RTN4R: variants seen among roughly 807,000 people sequenced by gnomAD.
The protein encoded by RTN4R is reticulon 4 receptor.
Under a neutral mutation model 27.7 loss-of-function variants are expected in RTN4R, and 4 were observed. The observed-to-expected ratio is 0.14, with a 90% CI of 0.07 to 0.33. The LOEUF is 0.33. Among genes scored for constraint, RTN4R ranks in the 10% least tolerant of loss-of-function variants. The pLI, the probability that RTN4R is intolerant of heterozygous loss-of-function variation, is 1.00. For synonymous variants in RTN4R, 290 were observed against 305.6 expected, an observed-to-expected ratio of 0.95 and a Z score of 0.53; for missense variants, 554 against 671.5, an observed-to-expected ratio of 0.83 and a Z score of 1.93.
intron 1 of RTN4R, among the ~76,000 whole-genome samples, chr22:20,246,235 C>G (rs368425051): frequency 6.6e-6 from 1 of 152,170 alleles, no homozygotes; most frequent in Admixed American, 6.5e-5. Context: ...GGACAGTGAC[C>G]GGATACTGAC....
intron 1 of RTN4R, among the ~76,000 whole-genome samples, chr22:20,245,374 C>T (rs2051134578): frequency 6.6e-6 from 1 of 152,244 alleles, no homozygotes; most frequent in South Asian, 2.1e-4. Flanking sequence ...GTCTCCATGG[C>T]AACCCCTCTG....
intron 1 of RTN4R, among the ~76,000 whole-genome samples, chr22:20,252,462 C>A (rs1356937812): frequency 6.6e-6 from 1 of 152,200 alleles, no homozygotes; most frequent in Non-Finnish European, 1.5e-5. Context: ...GTGCTGCATC[C>A]TCCCATTGTA....
rs575381297 is a variant in RTN4R, at chr22:20,248,389, C to T, written c.23-5279G>A. On this transcript the variant is annotated intron_variant, in intron 1 of 1. Transcript: ENST00000043402. ...TAACCTGAGCTCCACAGTCCTGTTT[C>T]CAGCCAGCAGGGCACCTGAGAGGGT... 2.6e-5 allele frequency among the ~76,000 whole-genome samples: 4 copies of T among 152,304 alleles called. No homozygotes were observed. The East Asian group carries it at 5.8e-4, about 22-fold the overall frequency.
At chr22:20,267,877 CG>C (rs1411941030) in intron 1 of RTN4R, among the ~76,000 whole-genome samples, 193 bp downstream of exon 1, 1 of 152,040 alleles carries the variant, frequency 6.6e-6, no homozygotes, top group Non-Finnish European at 1.5e-5. Flanking sequence ...CTGCCGCCTC[CG>C]GCTCCGCCCT....
intron 1 of RTN4R, among the ~76,000 whole-genome samples, chr22:20,265,425 G>A (rs2051271656): frequency 6.6e-6 from 1 of 152,210 alleles, no homozygotes; most frequent in Non-Finnish European, 1.5e-5. Context: ...CCCTCCACAA[G>A]CCCTCTGGCT....
rs185243090 is a variant in RTN4R, at chr22:20,265,098, C to T, written c.22+2973G>A. On this transcript the variant is annotated intron_variant, in intron 1 of 1. Coordinates refer to ENST00000043402, the MANE Select transcript of RTN4R (RefSeq NM_023004.6). Reference sequence around the variant, plus strand: ...CAGGAGGGCTCCTCTGCCTCCCGCCCGTCCTGTCCTCACCAGCTGGACCCT... The same window carrying T: ...CAGGAGGGCTCCTCTGCCTCCCGCCTGTCCTGTCCTCACCAGCTGGACCCT... Among the ~76,000 whole-genome samples, 634 of 152,334 alleles carry T rather than the reference C, an allele frequency of 4.2e-3. 2 individuals are homozygous for T. Among genetic ancestry groups the T allele is most frequent in the Non-Finnish European group, 5.4e-3 (370 of 68,024 alleles).
Position 20,268,110 on chromosome 22 carries a change from G to A in RTN4R, c.-18C>T. ...CTCTTCATCGTAGGGGTTGGGCGGG[G>A]CGCGTCGGGGACTGAAAGTCGTTTC... On this transcript the variant is annotated 5_prime_UTR_variant, in exon 1 of 2. Coordinates refer to ENST00000043402, the MANE Select transcript of RTN4R (RefSeq NM_023004.6). 1.7e-6 allele frequency: 2 copies of A among 1,174,470 alleles called. No homozygotes were observed. The highest frequency in any genetic ancestry group is 3.1e-4 in the Middle Eastern group (1 of 3,214). 72.8% of individuals were successfully genotyped at this position (1,174,470 alleles called of 1,614,324 possible).
intron 1 of RTN4R, among the ~76,000 whole-genome samples, chr22:20,252,380 A>C (rs2051189413): frequency 6.6e-6 from 1 of 152,192 alleles, no homozygotes; most frequent in East Asian, 1.9e-4. Context: ...GTAAGAAATG[A>C]GGGCCCCTCG....
At chr22:20,260,409 G>A (rs2051238355) in intron 1 of RTN4R, among the ~76,000 whole-genome samples, 1 of 152,152 alleles carries the variant, frequency 6.6e-6, no homozygotes, top group Admixed American at 6.5e-5. Flanking sequence ...TGTGTGGGAG[G>A]GAACGTTGCT....
chr22:20,262,204 G>A (rs939114049), intron 1 of RTN4R, among the ~76,000 whole-genome samples: 16 of 152,238 alleles, frequency 1.1e-4, no homozygotes, highest in African/African-American at 1.2e-4. Flanking sequence ...CGTTGGGTAC[G>A]GAGGATGTGA....
intron 1 of RTN4R, among the ~76,000 whole-genome samples, chr22:20,257,603 G>A (rs2051219156): frequency 6.6e-6 from 1 of 152,204 alleles, no homozygotes; most frequent in Non-Finnish European, 1.5e-5. Context: ...GAACTGTCAG[G>A]AAATGTGCTT....
intron 1 of RTN4R, among the ~76,000 whole-genome samples, chr22:20,247,615 T>A (rs1185178978): frequency 6.6e-6 from 1 of 152,100 alleles, no homozygotes; most frequent in African/African-American, 2.4e-5. Context: ...GGGCTCCAGG[T>A]GCTGCGGCAG....
intron 1 of RTN4R, among the ~76,000 whole-genome samples, chr22:20,261,340 A>G (rs1449851301): frequency 2.6e-5 from 4 of 152,144 alleles, no homozygotes; most frequent in Non-Finnish European, 5.9e-5. Flanking sequence ...CGATTTCCAC[A>G]GCTAGTTTAG....
At chr22:20,258,711 C>G (rs965142215) in intron 1 of RTN4R, among the ~76,000 whole-genome samples, 5 of 152,190 alleles carry the variant, frequency 3.3e-5, no homozygotes, top group Non-Finnish European at 5.9e-5. Flanking sequence ...CACCTCGAGA[C>G]CCAGAAGCAG....
At position 20,262,912 on chromosome 22, in the gene RTN4R, C is replaced by T. The variant is rs139606333; in HGVS notation, c.22+5159G>A. ...AACATCTCAACAAGGTTGTGATAGC[C>T]GGGGATCCAGGCAAGCAAGGGACAA... On this transcript the variant is annotated intron_variant, in intron 1 of 1. Transcript: ENST00000043402. 5.3e-5 allele frequency among the ~76,000 whole-genome samples: 8 copies of T among 152,306 alleles called. No homozygotes were observed. The East Asian group carries it at 1.4e-3, about 26-fold the overall frequency.
chr22:20,249,588 T>C (rs2051163247), intron 1 of RTN4R, among the ~76,000 whole-genome samples: 1 of 152,074 alleles, frequency 6.6e-6, no homozygotes, highest in African/African-American at 2.4e-5. Context: ...ACGATAGGCG[T>C]GCATACCGGA....
intron 1 of RTN4R, among the ~76,000 whole-genome samples, chr22:20,248,005 C>A (rs770730097): frequency 1.3e-5 from 2 of 152,186 alleles, no homozygotes; most frequent in African/African-American, 4.8e-5. Context: ...CCAGAGACAA[C>A]GAGATGTAGG....
In RTN4R at chr22:20,254,475, A is replaced by T. The variant is rs151225934; in HGVS notation, c.23-11365T>A. ...ATGCACTATGGTATTGGCCTCCTTC[A>T]TAGCACACTAGATGCCAGGAAACAA... is the stretch of plus-strand genomic sequence containing the variant. On this transcript the variant is annotated intron_variant, in intron 1 of 1. Transcript: ENST00000043402. Among the ~76,000 whole-genome samples the T allele has an allele frequency of 2.6e-3, 391 of 148,716 alleles. 1 individual carries two copies. The highest frequency in any genetic ancestry group is 7.6e-3 in the South Asian group (34 of 4,494).
intron 1 of RTN4R, among the ~76,000 whole-genome samples, chr22:20,259,788 G>A (rs868113609): frequency 2.0e-5 from 3 of 152,128 alleles, no homozygotes; most frequent in South Asian, 2.1e-4. Flanking sequence ...CCTCACCCCC[G>A]CTGCCACTCC....
Sources: gnomAD v4.1 joint callset for allele counts (sites outside exome capture counted in the v4.1 genomes callset) on GRCh38, gnomAD v4.1.1 for gene constraint, MANE v1.5 for transcripts, NCBI Gene and HGNC (gene_info 2026-07-23, HGNC 2026-07-21) for gene names.